The following TEX9 variants were observed in gnomAD, a reference collection of about 807,000 sequenced individuals.
TEX9 encodes the protein testis-expressed protein 9.
A neutral mutation model predicts 59.6 loss-of-function variants in TEX9; 74 were observed. The ratio of observed to expected loss-of-function variants is 1.24; its 90% CI spans 1.03 to 1.51. The LOEUF (loss-of-function observed/expected upper bound fraction) is 1.51. TEX9 is among the 40% of genes most tolerant of loss of function. The pLI, the probability that TEX9 is intolerant of heterozygous loss-of-function variation, is 0.00. For synonymous variants in TEX9, 186 were observed against 152.2 expected, an observed-to-expected ratio of 1.22 and a Z score of -1.64; for missense variants, 522 against 447.8, an observed-to-expected ratio of 1.17 and a Z score of -1.49.
chr15:56,332,498 T>A (rs1407578654), intron 1 of TEX9, among the ~76,000 whole-genome samples: 6 of 149,198 alleles, frequency 4.0e-5, no homozygotes, highest in Non-Finnish European at 5.9e-5. Flanking sequence ...AGGGATAGCA[T>A]TGGGAGATAT....
chr15:56,428,380 C>G, exon 12 of TEX9: 1 of 1,611,314 alleles, frequency 6.2e-7, no homozygotes, highest in Non-Finnish European at 8.5e-7. Flanking sequence ...CATATTGAAG[C>G]TGCCAAGATG....
chr15:56,324,150 G>A (rs894575177), intron 1 of TEX9, among the ~76,000 whole-genome samples: 3 of 149,560 alleles, frequency 2.0e-5, no homozygotes, highest in African/African-American at 7.4e-5. Context: ...CAAAATAATT[G>A]TTCTTTTAAC....
chr15:56,348,923 C>T (rs1392789093), intron 1 of TEX9, among the ~76,000 whole-genome samples: 1 of 30,582 alleles, frequency 3.3e-5, no homozygotes, highest in African/African-American at 9.1e-5. Context: ...ATATTTTTAC[C>T]ATTTTCTCTT....
At chr15:56,353,040 G>A (rs1010876658) in intron 1 of TEX9, among the ~76,000 whole-genome samples, 3 of 152,130 alleles carry the variant, frequency 2.0e-5, no homozygotes, top group Non-Finnish European at 4.4e-5. Context: ...TTGAATTCCC[G>A]TGAGGTAGGG....
intron 1 of TEX9, among the ~76,000 whole-genome samples, chr15:56,305,359 A>G (rs1253439465): frequency 6.6e-5 from 10 of 152,176 alleles, no homozygotes; most frequent in Non-Finnish European, 1.5e-5. Context: ...GAGGAATCTC[A>G]TTACCAGACT....
chr15:56,434,489 C>T, intron 12 of TEX9: 3 of 1,302,870 alleles, frequency 2.3e-6, no homozygotes, highest in Non-Finnish European at 3.1e-6. Flanking sequence ...TTTAGTATTA[C>T]AATATGAAAT....
At chr15:56,261,899 C>T (rs1363900658) in intron 1 of TEX9, among the ~76,000 whole-genome samples, 1 of 152,144 alleles carries the variant, frequency 6.6e-6, no homozygotes, top group Non-Finnish European at 1.5e-5. Context: ...TTGTAGAGGG[C>T]ACTGCTGTGG....
chr15:56,443,373 C>T, intron 12 of TEX9: 1 of 1,276,690 alleles, frequency 7.8e-7, no homozygotes, highest in Non-Finnish European at 1.1e-6. Context: ...TTTTCTGCTT[C>T]ATCTCAAAAT....
intron 1 of TEX9, among the ~76,000 whole-genome samples, chr15:56,264,820 A>G (rs1265579821): frequency 6.6e-6 from 1 of 152,084 alleles, no homozygotes; most frequent in Non-Finnish European, 1.5e-5. Flanking sequence ...TCTTTTTCCA[A>G]CAGATGTCCT....
downstream of TEX9, among the ~76,000 whole-genome samples, chr15:56,449,718 C>T (rs370209334): frequency 6.6e-5 from 10 of 152,188 alleles, no homozygotes; most frequent in East Asian, 1.9e-3. Context: ...GGTTAAATTA[C>T]AGATGCAATA....
At chr15:56,350,430 A>G (rs372598480) in intron 1 of TEX9, among the ~76,000 whole-genome samples, 246 of 152,320 alleles carry the variant, frequency 1.6e-3, no homozygotes, top group African/African-American at 5.7e-3. Flanking sequence ...GGCATTTGAA[A>G]TTAGTAACTG....
At chr15:56,359,060 C>T (rs1485400830) in intron 1 of TEX9, among the ~76,000 whole-genome samples, 1 of 152,088 alleles carries the variant, frequency 6.6e-6, no homozygotes, top group Non-Finnish European at 1.5e-5. Flanking sequence ...CTAATATAAT[C>T]ACTTTACAAA....
the TEX9 span, among the ~76,000 whole-genome samples, chr15:56,453,728 A>G: frequency 8.5e-5 from 13 of 152,188 alleles, no homozygotes; most frequent in Non-Finnish European, 1.8e-4. Flanking sequence ...AACTCCAGTT[A>G]AAAACAGCAG....
intron 1 of TEX9, among the ~76,000 whole-genome samples, chr15:56,279,357 CTT>C: frequency 6.6e-6 from 1 of 152,238 alleles, no homozygotes; most frequent in African/African-American, 2.4e-5. Context: ...AAAATTAAGA[CTT>C]ATCTCTTGTC....
intron 1 of TEX9, among the ~76,000 whole-genome samples, chr15:56,335,355 G>T (rs532625641): frequency 6.6e-6 from 1 of 152,230 alleles, no homozygotes; most frequent in South Asian, 2.1e-4. Flanking sequence ...ACAACAAAAT[G>T]GATGGAACTG....
chr15:56,395,248 GACTTTT>G (rs1162640570), intron 9 of TEX9: 2 of 174,758 alleles, frequency 1.1e-5, no homozygotes, highest in African/African-American at 4.7e-5. Flanking sequence ...TTTTGTGACT[GACTTTT>G]ACTTAAGATA....
chr15:56,274,027 C>G (rs1306077142), intron 1 of TEX9, among the ~76,000 whole-genome samples: 1 of 152,114 alleles, frequency 6.6e-6, no homozygotes, highest in Non-Finnish European at 1.5e-5. Context: ...AATGTTAACT[C>G]TCCAAGTATT....
chr15:56,279,555 A>G (rs1282520612), intron 1 of TEX9, among the ~76,000 whole-genome samples: 2 of 152,214 alleles, frequency 1.3e-5, no homozygotes, highest in Non-Finnish European at 2.9e-5. Context: ...GAAAACCACA[A>G]CCACTGGCAT....
chr15:56,342,788 G>A (rs1350206251), intron 1 of TEX9, among the ~76,000 whole-genome samples: 1 of 152,110 alleles, frequency 6.6e-6, no homozygotes, highest in Admixed American at 6.6e-5. Context: ...GGCAGCTCCT[G>A]GAGAGAGAGA....
Sources: gnomAD v4.1 joint callset for allele counts (sites outside exome capture counted in the v4.1 genomes callset) on GRCh38, gnomAD v4.1.1 for gene constraint, MANE v1.5 for transcripts, NCBI Gene and HGNC (gene_info 2026-07-23, HGNC 2026-07-21) for gene names.